TTLL11: variants seen among roughly 807,000 people sequenced by gnomAD.
TTLL11 encodes the protein tubulin tyrosine ligase like 11.
In TTLL11, 42 loss-of-function variants were observed where a neutral mutation model predicts 51.7. The observed-to-expected ratio is 0.81, with a 90% CI of 0.64 to 1.05. The LOEUF is 1.05. TTLL11 is among the 50% of genes least tolerant of loss of function. TTLL11 has a pLI of 0.00. For missense variants in TTLL11, 799 were observed against 940.4 expected, an observed-to-expected ratio of 0.85 and a Z score of 1.97; for synonymous variants, 381 against 383.5, an observed-to-expected ratio of 0.99 and a Z score of 0.08.
intron 3 of TTLL11, among the ~76,000 whole-genome samples, chr9:122,000,457 G>A (rs543438575): frequency 3.2e-5 from 4 of 125,178 alleles, no homozygotes; most frequent in Admixed American, 1.8e-4. Flanking sequence ...GGGTGACAGA[G>A]TGAGACTCCG....
Position 121,936,570 on chromosome 9 carries a change from C to A in TTLL11, c.1481+37439G>T, listed in dbSNP as rs1841230811. 2.6e-5 allele frequency among the ~76,000 whole-genome samples: 4 copies of A among 152,200 alleles called. No homozygotes were observed. The South Asian group carries it at 8.3e-4, about 31-fold the overall frequency. On this transcript the variant is annotated intron_variant, in intron 6 of 8. Transcript: ENST00000321582. Reference sequence around the variant, plus strand: ...TGTGTGCCTGTAAGTAGGGTTCCTACTGGCACTGAATCTTCTGGGACTTGA... The same window carrying A: ...TGTGTGCCTGTAAGTAGGGTTCCTAATGGCACTGAATCTTCTGGGACTTGA...
At chr9:121,900,339 G>C (rs1261197416) in intron 6 of TTLL11, among the ~76,000 whole-genome samples, 1 of 152,218 alleles carries the variant, frequency 6.6e-6, no homozygotes, top group Non-Finnish European at 1.5e-5. Flanking sequence ...TTACTGTTGC[G>C]AAGTCAGCTG....
intron 3 of TTLL11, among the ~76,000 whole-genome samples, chr9:122,022,638 G>A (rs1844214818): frequency 6.6e-6 from 1 of 151,712 alleles, no homozygotes; most frequent in Admixed American, 6.6e-5. Context: ...GCTACAGAAA[G>A]TTATTTACAC....
chr9:122,043,752 G>A (rs1021410919), intron 1 of TTLL11, among the ~76,000 whole-genome samples: 2 of 152,010 alleles, frequency 1.3e-5, no homozygotes, highest in African/African-American at 4.8e-5. Flanking sequence ...AAGACACTAT[G>A]AACAGAGTGA....
intron 1 of TTLL11, among the ~76,000 whole-genome samples, chr9:122,087,923 A>G (rs766121025): frequency 6.6e-6 from 1 of 152,192 alleles, no homozygotes; most frequent in Non-Finnish European, 1.5e-5. Flanking sequence ...CTTGTCTACA[A>G]GTTTACAGAG....
chr9:121,949,794 T>C (rs563601752), intron 6 of TTLL11, among the ~76,000 whole-genome samples: 1 of 152,188 alleles, frequency 6.6e-6, no homozygotes, highest in African/African-American at 2.4e-5. Context: ...TTCTATCTCA[T>C]TTCTCTTAGC....
chr9:122,065,264 T>C (rs1236514689), intron 1 of TTLL11, among the ~76,000 whole-genome samples: 1 of 152,086 alleles, frequency 6.6e-6, no homozygotes, highest in African/African-American at 2.4e-5. Flanking sequence ...TTTTAAGAAC[T>C]GGGTAGAGTT....
At chr9:122,078,993 T>C (rs1845932213) in intron 1 of TTLL11, among the ~76,000 whole-genome samples, 1 of 152,216 alleles carries the variant, frequency 6.6e-6, no homozygotes, top group African/African-American at 2.4e-5. Flanking sequence ...ATGGTGGACA[T>C]TTGGATTGTT....
Position 121,821,583 on chromosome 9 carries a change from G to C in TTLL11, c.*1004C>G, listed in dbSNP as rs1180243741. ...TCCAAAATGCCACCTTCTGCTGCCT[G>C]TGAGGCGTTTCCTCCGAGAGGGGGG... On this transcript the variant is annotated 3_prime_UTR_variant, in exon 9 of 9. Transcript: ENST00000321582. This position sits in a 1 kb window ranked among gnomAD's most constrained non-coding sequence, Gnocchi z 5.0. 6.6e-6 allele frequency among the ~76,000 whole-genome samples: 1 copy of C among 152,152 alleles called. No individual in the cohort carries two copies. Among genetic ancestry groups the C allele is most frequent in the African/African-American group, 2.4e-5 (1 of 41,426 alleles).
intron 6 of TTLL11, among the ~76,000 whole-genome samples, chr9:121,954,675 G>GATGCACAC (rs1195004791): frequency 1.2e-3 from 92 of 74,008 alleles, no homozygotes; most frequent in Middle Eastern, 7.0e-3. Flanking sequence ...CACACACACA[G>GATGCACAC]ACGCACACAC....
chr9:122,092,884 G>A lies in TTLL11; in HGVS notation c.265C>T (p.Pro89Ser). The change falls in exon 1 of 9, where the codon CCC becomes TCC. Residue 89 changes from proline (P) to serine (S), a missense_variant. Transcript: ENST00000321582. ...TGCACCGGCTTCGGCTTGGACGGGG[G>A]CAGCGTGGGCGGCGGCCGCTGAAGG... is the stretch of plus-strand genomic sequence containing the variant. ...QVLQRPPPTL[P>S]PSKPKPVQGL... is the part of the protein sequence containing the mutation. 6.4e-7 allele frequency: 1 copy of A among 1,569,512 alleles called. No individual in the cohort carries two copies. Among genetic ancestry groups the A allele is most frequent in the Non-Finnish European group, 8.6e-7 (1 of 1,165,708 alleles).
chr9:122,005,621 G>A lies in TTLL11; in HGVS notation c.694-15851C>T, dbSNP rs142745653. 4.9e-4 allele frequency among the ~76,000 whole-genome samples: 75 copies of A among 152,314 alleles called. No individual in the cohort carries two copies. In the Middle Eastern group the frequency reaches 0.01, roughly 21 times the overall value. On this transcript the variant is annotated intron_variant, in intron 3 of 8. Coordinates refer to ENST00000321582, the MANE Select transcript of TTLL11 (RefSeq NM_001139442.2). ...CAGGGAGACAGACCAGGTCCATTCT[G>A]ATTCAGAAATTAAGTGGGAATCAGG...
intron 6 of TTLL11, among the ~76,000 whole-genome samples, chr9:121,965,270 G>A (rs749446948): frequency 2.8e-4 from 42 of 152,142 alleles, no homozygotes; most frequent in Non-Finnish European, 4.7e-4. Flanking sequence ...AATTTATGAT[G>A]AAGAGGTTTA....
intron 8 of TTLL11, among the ~76,000 whole-genome samples, chr9:121,846,055 C>T (rs80002423): frequency 1.1e-4 from 12 of 112,394 alleles, no homozygotes; most frequent in African/African-American, 4.1e-4. Flanking sequence ...GTAAAAACAA[C>T]AAAAAAAAGA....
intron 6 of TTLL11, among the ~76,000 whole-genome samples, chr9:121,897,445 C>T (rs1839568707): frequency 6.6e-6 from 1 of 152,132 alleles, no homozygotes; most frequent in African/African-American, 2.4e-5. Flanking sequence ...TCTCTCTTCT[C>T]TCCAGATACT....
intron 6 of TTLL11, among the ~76,000 whole-genome samples, chr9:121,961,885 G>A (rs573058629): frequency 4.6e-5 from 7 of 152,014 alleles, no homozygotes; most frequent in Non-Finnish European, 2.9e-5. Flanking sequence ...GTGAAACCCC[G>A]TCTCTACTAA....
chr9:121,986,564 C>T (rs560433177), intron 4 of TTLL11, among the ~76,000 whole-genome samples: 2 of 152,300 alleles, frequency 1.3e-5, no homozygotes, highest in African/African-American at 4.8e-5. Flanking sequence ...CTGAGCTGTG[C>T]ATCCTCCCTG....
At chr9:122,025,725 T>C (rs1054449391) in intron 3 of TTLL11, among the ~76,000 whole-genome samples, 3 of 152,202 alleles carry the variant, frequency 2.0e-5, no homozygotes, top group African/African-American at 7.2e-5. Context: ...CACAACTACT[T>C]TGGAAGACAA....
intron 3 of TTLL11, among the ~76,000 whole-genome samples, chr9:121,992,114 A>G (rs1843132293): frequency 6.6e-6 from 1 of 152,276 alleles, no homozygotes; most frequent in East Asian, 1.9e-4. Context: ...TCCAGGAACT[A>G]TATCTGTAGA....
Sources: gnomAD v4.1 joint callset for allele counts (sites outside exome capture counted in the v4.1 genomes callset) on GRCh38, gnomAD v4.1.1 for gene constraint, Gnocchi (gnomAD v3.1) non-coding constraint, MANE v1.5 for transcripts, NCBI Gene and HGNC (gene_info 2026-07-23, HGNC 2026-07-21) for gene names.